NLRP1: variants seen among roughly 807,000 people sequenced by gnomAD.
NLRP1 encodes NLR family pyrin domain containing 1.
In NLRP1, 94 loss-of-function variants were observed where a neutral mutation model predicts 136.7. The observed-to-expected ratio is 0.69, with a 90% CI of 0.58 to 0.82. The LOEUF (loss-of-function observed/expected upper bound fraction) is 0.82, where lower values mean the gene tolerates loss of function less well. Ranked by LOEUF, NLRP1 falls within the 40% of genes least tolerant of loss-of-function variation. The probability of loss-of-function intolerance (pLI) is 0.00; values close to 1 mark genes in which losing one functional copy is unlikely to be tolerated. For synonymous variants in NLRP1, 690 were observed against 725.1 expected (o/e 0.95, Z 0.78); for missense variants, 1,575 against 1,802.7 (o/e 0.87, Z 2.29).
intron 3 of NLRP1, among the ~76,000 whole-genome samples, chr17:5,576,008 C>A (rs1300278287): frequency 6.6e-6 from 1 of 152,144 alleles, no homozygotes; most frequent in Non-Finnish European, 1.5e-5. Flanking sequence ...AACTGAACAA[C>A]CTGCTCCTGA....
intron 4 of NLRP1, among the ~76,000 whole-genome samples, chr17:5,554,432 C>A (rs557720096): frequency 3.9e-5 from 6 of 152,278 alleles, no homozygotes; most frequent in African/African-American, 1.4e-4. Flanking sequence ...ATATCCCCAC[C>A]TTGACATCCC....
intron 13 of NLRP1, 97 bp from the exon 14 acceptor site, chr17:5,521,109 G>T: frequency 7.8e-7 from 1 of 1,282,918 alleles, no homozygotes; most frequent in Non-Finnish European, 1.1e-6. Context: ...TGTGTGGACA[G>T]AGTGGGGCTA....
chr17:5,576,228 G>A (rs1905003512), intron 3 of NLRP1, among the ~76,000 whole-genome samples: 1 of 152,116 alleles, frequency 6.6e-6, no homozygotes, highest in Non-Finnish European at 1.5e-5. Flanking sequence ...AGAAAAGCAA[G>A]AGCAAACACA....
chr17:5,559,038 T>C lies in NLRP1; in HGVS notation c.1658A>G (p.His553Arg), dbSNP rs766412162. 6.2e-6 allele frequency: 10 copies of C among 1,614,080 alleles called. No individual in the cohort carries two copies. The East Asian group carries it at 8.9e-5, about 14-fold the overall frequency. Residue 553 changes from histidine (H) to arginine (R), a missense_variant, in exon 4 of 17, where the codon CAT becomes CGT. Physicochemically the swap from His to Arg is conservative, Grantham distance 29. Coordinates refer to ENST00000572272, the MANE Select transcript of NLRP1 (RefSeq NM_033004.4). ...AGCTTGGAGAGCCTGGGCAAGGTAA[T>C]GTAGACAGAGGGTTGTGGTGGTCTT... The part of the protein sequence containing the change: ...TSKTTTTLCL[H>R]YLAQALQAQP...
chr17:5,542,773 TCCTC>T (rs949991109), intron 5 of NLRP1, among the ~76,000 whole-genome samples: 73 of 131,902 alleles, frequency 5.5e-4, no homozygotes, highest in South Asian at 1.7e-3. Context: ...TCTCCTTCCT[TCCTC>T]CCTCCCTCCC....
At chr17:5,524,723 G>C (rs1909316526) in intron 12 of NLRP1, among the ~76,000 whole-genome samples, 1 of 152,348 alleles carries the variant, frequency 6.6e-6, no homozygotes, top group Non-Finnish European at 1.5e-5. Flanking sequence ...ACCAGCCATG[G>C]TCCTAGGACC....
In NLRP1 at chr17:5,550,920, C is replaced by T. The variant is rs560417537; in HGVS notation, c.2528+2466G>A. Among the ~76,000 whole-genome samples the T allele has an allele frequency of 1.3e-3, 203 of 152,226 alleles. 1 individual carries two copies. Among genetic ancestry groups the T allele is most frequent in the African/African-American group, 4.3e-3 (179 of 41,536 alleles). ...CAGTAAAATTGAGCAAAAAGTACAG[C>T]GAGTTCCCATATACTCCCTGTCCCC... On this transcript the variant is annotated intron_variant, in intron 5 of 16. Coordinates refer to ENST00000572272, the MANE Select transcript of NLRP1 (RefSeq NM_033004.4).
At position 5,553,402 on chromosome 17, in the gene NLRP1, G is replaced by A; in HGVS notation, c.2512C>T (p.Leu838Phe). The change falls in exon 5 of 17, where the codon CTC becomes TTC. Residue 838 changes from leucine to phenylalanine, a missense_variant. Physicochemically the swap from Leu to Phe is conservative, Grantham distance 22. Transcript: ENST00000572272. The part of the protein sequence containing the change: ...LCKTLRRPRC[L>F]LETLRLAGCG... ...CAGACTCACCGCAGGGTCTCCAGGA[G>A]GCAGCGAGGGCGTCTCAGGGTCTTA... The A allele has an allele frequency of 6.2e-7, 1 of 1,613,244 alleles. No homozygotes were observed. Among genetic ancestry groups the A allele is most frequent in the Non-Finnish European group, 8.5e-7 (1 of 1,179,554 alleles).
At chr17:5,511,615 A>C (rs1049509839), downstream of NLRP1, among the ~76,000 whole-genome samples, 17 of 152,084 alleles carry the variant, frequency 1.1e-4, no homozygotes, top group Middle Eastern at 3.2e-3. Flanking sequence ...TCCGGCAACT[A>C]ACGTGAGGAC....
At chr17:5,531,345 AG>A (rs796740029) in intron 11 of NLRP1, among the ~76,000 whole-genome samples, 27 of 152,272 alleles carry the variant, frequency 1.8e-4, no homozygotes, top group African/African-American at 6.0e-4. Context: ...CTCCCTGAGT[AG>A]CTAGGACTAC....
chr17:5,540,633 C>T (rs1360342588), intron 6 of NLRP1, among the ~76,000 whole-genome samples: 1 of 152,184 alleles, frequency 6.6e-6, no homozygotes, highest in Non-Finnish European at 1.5e-5. Context: ...TAATGAATCT[C>T]TCCGAGATCC....
intron 6 of NLRP1, 125 bp from the exon 7 acceptor site, chr17:5,539,710 A>G: frequency 7.1e-7 from 1 of 1,408,560 alleles, no homozygotes; most frequent in Non-Finnish European, 9.2e-7. Flanking sequence ...CATGCAGAGA[A>G]GATACAAACT....
At chr17:5,562,589 T>C (rs1914884007) in intron 3 of NLRP1, among the ~76,000 whole-genome samples, 1 of 152,192 alleles carries the variant, frequency 6.6e-6, no homozygotes, top group African/African-American at 2.4e-5. Flanking sequence ...TACTGCCAAC[T>C]GTACTGAAAC....
chr17:5,506,738 A>AAAC (rs139091782), intron 15 of NLRP1, among the ~76,000 whole-genome samples: 1 of 52,416 alleles, frequency 1.9e-5, no homozygotes, highest in African/African-American at 1.7e-4. Context: ...CTAAAAATAC[A>AAAC]AAAAAAAAAA....
chr17:5,543,277 G>T (rs1426741023), intron 5 of NLRP1, among the ~76,000 whole-genome samples: 1 of 152,168 alleles, frequency 6.6e-6, no homozygotes, highest in Non-Finnish European at 1.5e-5. Context: ...ATGAGTGATT[G>T]CCAAGGCAGG....
chr17:5,508,206 G>A (rs1260569714), intron 15 of NLRP1, among the ~76,000 whole-genome samples: 1 of 152,064 alleles, frequency 6.6e-6, no homozygotes, highest in Admixed American at 6.5e-5. Flanking sequence ...GCTGAGGCAG[G>A]AGAATCACTT....
In NLRP1 at chr17:5,583,654, T is replaced by G; in HGVS notation, c.271+33A>C. 6.5e-7 allele frequency: 1 copy of G among 1,540,502 alleles called. No homozygotes were observed. The highest frequency in any genetic ancestry group is 1.2e-5 in the South Asian group (1 of 83,152). On this transcript the variant is annotated intron_variant, in intron 1 of 16. Coordinates refer to ENST00000572272, the MANE Select transcript of NLRP1 (RefSeq NM_033004.4). This position sits in a 1 kb window ranked among gnomAD's most constrained non-coding sequence, Gnocchi z 4.5. The stretch of plus-strand genomic sequence containing the variant: ...GGGCAGGCATGAGGGCCAGGGGATG[T>G]CCCGCGGGCAGTGGGGTCCTCTGTC...
At chr17:5,550,951 C>T (rs1343249216) in intron 5 of NLRP1, among the ~76,000 whole-genome samples, 1 of 152,094 alleles carries the variant, frequency 6.6e-6, no homozygotes, top group East Asian at 1.9e-4. Flanking sequence ...TCCCCACATC[C>T]CTCATACAAT....
rs7215856 is a variant in NLRP1, at chr17:5,536,877, T to C, written c.2934A>G (p.Lys978=). 93,975 of 1,602,682 alleles carry C rather than the reference T, an allele frequency of 0.059. 4,144 individuals carry two copies. The highest frequency in any genetic ancestry group is 0.17 in the South Asian group (15,492 of 90,742). Residue 978 remains lysine, a synonymous_variant, in exon 8 of 17, where the codon AAA becomes AAG. Coordinates refer to ENST00000572272, the MANE Select transcript of NLRP1 (RefSeq NM_033004.4). ...GTCTGCTGAAGATGAGCAGCTGAGG[T>C]TTCTCCTGCTCCAGGGCCCTCAGTT... ...RQELRALEQE[K]PQLLIFSRRK... is the part of the protein sequence containing the mutation.
Sources: gnomAD v4.1 joint callset for allele counts (sites outside exome capture counted in the v4.1 genomes callset) on GRCh38, gnomAD v4.1.1 for gene constraint, Gnocchi (gnomAD v3.1) non-coding constraint, MANE v1.5 for transcripts, NCBI Gene and HGNC (gene_info 2026-07-23, HGNC 2026-07-21) for gene names.